LPCAT1: variants seen among roughly 807,000 people sequenced by gnomAD.
The protein encoded by LPCAT1 is lysophosphatidylcholine acyltransferase 1.
A neutral mutation model predicts 60.9 loss-of-function variants in LPCAT1; 23 were observed. The observed-to-expected ratio is 0.38, with a 90% CI of 0.27 to 0.53. LPCAT1 has a LOEUF of 0.53. Among genes scored for constraint, LPCAT1 ranks in the 20% least tolerant of loss-of-function variants. LPCAT1 has a pLI of 0.82. For synonymous variants in LPCAT1, 340 were observed against 301.1 expected, an observed-to-expected ratio of 1.13 and a Z score of -1.34; for missense variants, 622 against 723.6, an observed-to-expected ratio of 0.86 and a Z score of 1.61.
intron 1 of LPCAT1, among the ~76,000 whole-genome samples, chr5:1,512,309 C>T (rs182017818): frequency 1.3e-5 from 2 of 152,314 alleles, no homozygotes; most frequent in South Asian, 2.1e-4. Context: ...CACCCGCCTT[C>T]GGAGTCACTG....
chr5:1,468,372 A>C lies in LPCAT1; in HGVS notation c.1279-1482T>G, dbSNP rs914632357. On this transcript the variant is annotated intron_variant, in intron 12 of 13. Coordinates refer to ENST00000283415, the MANE Select transcript of LPCAT1 (RefSeq NM_024830.5). ...TGGAGCCTCAGAACGGGCCGGGTCA[A>C]AGCTTCAGGGCCACGGCCTCCAGCT... Among the ~76,000 whole-genome samples the C allele has an allele frequency of 4.9e-4, 75 of 152,204 alleles. 1 individual carries two copies. The highest frequency in any genetic ancestry group is 5.9e-5 in the Non-Finnish European group (4 of 68,026).
At chr5:1,499,431 G>C (rs746293597) in intron 2 of LPCAT1, among the ~76,000 whole-genome samples, 1 of 152,220 alleles carries the variant, frequency 6.6e-6, no homozygotes, top group East Asian at 1.9e-4. Context: ...CCACTTTCTA[G>C]CTGTGGCTTC....
chr5:1,512,194 C>T (rs367633292), intron 1 of LPCAT1, among the ~76,000 whole-genome samples: 2 of 152,188 alleles, frequency 1.3e-5, no homozygotes, highest in Non-Finnish European at 2.9e-5. Flanking sequence ...GTGTGGCGTG[C>T]GGCCCCGTGA....
rs549382131 is a variant in LPCAT1, at chr5:1,481,262, G to C, written c.727-286C>G. Among the ~76,000 whole-genome samples the C allele has an allele frequency of 6.6e-6, 1 of 152,204 alleles. No individual in the cohort carries two copies. The highest frequency in any genetic ancestry group is 1.9e-4 in the East Asian group (1 of 5,174). ...GATCCCCAGAGTCCCTGAGGACTCAGAGCCCCCTCTTATAGGTTCCCAGAG... is the reference window on the plus strand; with the variant it reads ...GATCCCCAGAGTCCCTGAGGACTCACAGCCCCCTCTTATAGGTTCCCAGAG... On this transcript the variant is annotated intron_variant, in intron 6 of 13. Transcript: ENST00000283415. The surrounding 1 kb of genome is among the most constrained non-coding windows in gnomAD (Gnocchi z 7.8).
At chr5:1,486,640 G>A (rs1735381373) in intron 5 of LPCAT1, among the ~76,000 whole-genome samples, 1 of 152,146 alleles carries the variant, frequency 6.6e-6, no homozygotes. Flanking sequence ...GACGCTCACG[G>A]CTCTGGAGGG....
In LPCAT1 at chr5:1,523,570, G is replaced by T. The variant is rs1457021841; in HGVS notation, c.135+140C>A. 1.1e-5 allele frequency: 5 copies of T among 465,138 alleles called. No homozygotes were observed. Among genetic ancestry groups the T allele is most frequent in the African/African-American group, 4.3e-5 (2 of 46,976 alleles). 28.8% of individuals were successfully genotyped at this position (465,138 alleles called of 1,614,324 possible). On this transcript the variant is annotated intron_variant, in intron 1 of 13. Transcript: ENST00000283415. This position sits in a 1 kb window ranked among gnomAD's most constrained non-coding sequence, Gnocchi z 7.1. ...GGGACGCGAACTGAGGGGCGGCCGC[G>T]GGGAGGGAAGGCGCCGCGGCTCGCA...
At chr5:1,519,055 G>A (rs1472327211) in intron 1 of LPCAT1, among the ~76,000 whole-genome samples, 1 of 152,270 alleles carries the variant, frequency 6.6e-6, no homozygotes, top group Non-Finnish European at 1.5e-5. Context: ...AAGCTGCAGA[G>A]TTTTAAAAGT....
In LPCAT1 at chr5:1,483,628, TATCTCAAC is replaced by T. The variant is rs1735249906; in HGVS notation, c.668-150_668-143del. 1 of 752,626 alleles carries T rather than the reference TATCTCAAC, an allele frequency of 1.3e-6. No individual in the cohort carries two copies. Among genetic ancestry groups the T allele is most frequent in the Non-Finnish European group, 2.3e-6 (1 of 442,852 alleles). The allele number at this position is 752,626 out of a possible 1,614,324, so 46.6% of individuals were successfully genotyped here. On this transcript the variant is annotated intron_variant, in intron 5 of 13. Coordinates refer to ENST00000283415, the MANE Select transcript of LPCAT1 (RefSeq NM_024830.5). This position sits in a 1 kb window ranked among gnomAD's most constrained non-coding sequence, Gnocchi z 9.2. ...CAGCAAGGGCACTCCATGCCTGGAC[TATCTCAAC>T]ATCTGTCCTGACCGTAAACACCCAG...
intron 11 of LPCAT1, among the ~76,000 whole-genome samples, chr5:1,471,184 C>T (rs1469616323): frequency 3.3e-5 from 5 of 152,224 alleles, no homozygotes; most frequent in Admixed American, 3.3e-4. Context: ...CTCAGCAAAG[C>T]ACACGCGATG....
chr5:1,506,100 G>A (rs978038603), intron 1 of LPCAT1, among the ~76,000 whole-genome samples: 14 of 152,248 alleles, frequency 9.2e-5, no homozygotes, highest in Non-Finnish European at 1.2e-4. Context: ...CTGATGAGGG[G>A]AGGGTGGAGA....
chr5:1,479,877 C>T (rs968867154), intron 7 of LPCAT1, among the ~76,000 whole-genome samples: 7 of 151,984 alleles, frequency 4.6e-5, no homozygotes, highest in African/African-American at 1.2e-4. Context: ...GCTGCTTTTC[C>T]GATTCAACAC....
Position 1,481,127 on chromosome 5 carries a change from C to T in LPCAT1, c.727-151G>A, listed in dbSNP as rs1006995814. 1.0e-6 allele frequency: 1 copy of T among 963,262 alleles called. No individual in the cohort carries two copies. The highest frequency in any genetic ancestry group is 1.6e-5 in the African/African-American group (1 of 62,108). 59.7% of individuals were successfully genotyped at this position (963,262 alleles called of 1,614,324 possible). ...GAGGAGGGTGCTAGAGCTCCAGCTTCCCAGAGTCCCTGAGGATCCAGGACT... is the reference window on the plus strand; with the variant it reads ...GAGGAGGGTGCTAGAGCTCCAGCTTTCCAGAGTCCCTGAGGATCCAGGACT... On this transcript the variant is annotated intron_variant, in intron 6 of 13. Coordinates refer to ENST00000283415, the MANE Select transcript of LPCAT1 (RefSeq NM_024830.5). The surrounding 1 kb of genome is among the most constrained non-coding windows in gnomAD (Gnocchi z 7.8).
rs1418121913 is a variant in LPCAT1, at chr5:1,501,320, A to G, written c.278+141T>C. ...GGCCGAGTCCCCACTGGCAGGGGGCAGCCCTGGTGGACGCTGGGCTCAGAA... is the reference window on the plus strand; with the variant it reads ...GGCCGAGTCCCCACTGGCAGGGGGCGGCCCTGGTGGACGCTGGGCTCAGAA... On this transcript the variant is annotated intron_variant, in intron 2 of 13. Transcript: ENST00000283415. The G allele has an allele frequency of 8.4e-6, 10 of 1,183,702 alleles. No homozygotes were observed. In the Admixed American group the frequency reaches 2.2e-4, roughly 26 times the overall value. 73.3% of individuals were successfully genotyped at this position (1,183,702 alleles called of 1,614,324 possible). A position where few individuals can be genotyped will look rare whatever the true frequency, so the allele number is the denominator to read the frequency against.
chr5:1,469,397 C>T (rs1734577655), intron 12 of LPCAT1, among the ~76,000 whole-genome samples: 1 of 152,184 alleles, frequency 6.6e-6, no homozygotes, highest in Non-Finnish European at 1.5e-5. Context: ...GCCCATTGTT[C>T]ATGTTGAGAA....
At position 1,495,456 on chromosome 5, in the gene LPCAT1, T is replaced by C. The variant is rs1248412309; in HGVS notation, c.279-542A>G. Among the ~76,000 whole-genome samples, 1 of 152,176 alleles carries C rather than the reference T, an allele frequency of 6.6e-6. No individual in the cohort carries two copies. The highest frequency in any genetic ancestry group is 1.5e-5 in the Non-Finnish European group (1 of 68,022). ...TTGTGTTATTACAGTGAGCTGTTTC[T>C]GGAGGAAATTAGATGGCCAATAAAT... is the stretch of plus-strand genomic sequence containing the variant. On this transcript the variant is annotated intron_variant, in intron 2 of 13. Coordinates refer to ENST00000283415, the MANE Select transcript of LPCAT1 (RefSeq NM_024830.5). This position sits in a 1 kb window ranked among gnomAD's most constrained non-coding sequence, Gnocchi z 4.7.
intron 10 of LPCAT1, 124 bp from the exon 11 acceptor site, chr5:1,474,234 GA>G (rs1734806462): frequency 9.0e-7 from 1 of 1,107,828 alleles, no homozygotes; most frequent in South Asian, 1.6e-5. Context: ...TAGTTTTCAA[GA>G]AAAGGCATTC....
At chr5:1,469,179 C>G (rs193148121) in intron 12 of LPCAT1, among the ~76,000 whole-genome samples, 4 of 152,298 alleles carry the variant, frequency 2.6e-5, no homozygotes, top group Admixed American at 2.6e-4. Context: ...GATCACCCAT[C>G]CTGCCCCCAG....
chr5:1,512,449 G>C (rs1054511572), intron 1 of LPCAT1, among the ~76,000 whole-genome samples: 1 of 152,204 alleles, frequency 6.6e-6, no homozygotes, highest in South Asian at 2.1e-4. Flanking sequence ...GTAGAATCAA[G>C]GGCCATAGAC....
At chr5:1,515,719 C>T (rs760953262) in intron 1 of LPCAT1, among the ~76,000 whole-genome samples, 1 of 152,034 alleles carries the variant, frequency 6.6e-6, no homozygotes, top group African/African-American at 2.4e-5. Context: ...CTGCTCCACA[C>T]TACGGGCAAA....
Sources: allele counts gnomAD v4.1 joint callset (sites outside exome capture counted in the v4.1 genomes callset), GRCh38; gene constraint gnomAD v4.1.1; non-coding constraint Gnocchi (gnomAD v3.1); transcripts MANE v1.5; gene names NCBI Gene and HGNC (gene_info 2026-07-23, HGNC 2026-07-21).